Variants in XPO6 observed in about 807,000 individuals in gnomAD.
The protein encoded by XPO6 is exportin-6.
A neutral mutation model predicts 130.0 loss-of-function variants in XPO6; 3 were observed. That is an observed-to-expected ratio of 0.02 (90% CI 0.01 to 0.06). The LOEUF (loss-of-function observed/expected upper bound fraction) is 0.06. Among genes scored for constraint, XPO6 ranks in the 10% least tolerant of loss-of-function variants. The probability of loss-of-function intolerance (pLI) is 1.00; values close to 1 mark genes in which losing one functional copy is unlikely to be tolerated. For synonymous variants in XPO6, 524 were observed against 548.9 expected, an observed-to-expected ratio of 0.95 and a Z score of 0.63; for missense variants, 970 against 1,393.0, an observed-to-expected ratio of 0.70 and a Z score of 4.83.
chr16:28,137,949 G>T (rs982573930), intron 9 of XPO6, among the ~76,000 whole-genome samples: 11 of 151,964 alleles, frequency 7.2e-5, no homozygotes, highest in Admixed American at 3.3e-4. Flanking sequence ...CCGACAGCTC[G>T]TTTCTTAACT....
rs2087323341 is a variant in XPO6, at chr16:28,124,069, T to G, written c.1766+1620A>C. 2.0e-5 allele frequency among the ~76,000 whole-genome samples: 3 copies of G among 151,830 alleles called. No homozygotes were observed. In the South Asian group the frequency reaches 6.3e-4, roughly 32 times the overall value. Reference sequence around the variant, plus strand: ...ACTGACAGATATACCTTTTTTTTTTTTTTTTGAGACGGAGTTTCACTCTTG... The same window carrying G: ...ACTGACAGATATACCTTTTTTTTTTGTTTTTGAGACGGAGTTTCACTCTTG... On this transcript the variant is annotated intron_variant, in intron 13 of 23. Transcript: ENST00000304658.
intron 4 of XPO6, among the ~76,000 whole-genome samples, chr16:28,171,452 CAAAAAAA>C (rs36000498): frequency 3.0e-5 from 3 of 99,090 alleles, no homozygotes; most frequent in Non-Finnish European, 4.1e-5. Flanking sequence ...GACTCTGTCT[CAAAAAAA>C]AAAAAAAAAA....
intron 20 of XPO6, among the ~76,000 whole-genome samples, 170 bp from the exon 21 acceptor site, chr16:28,104,877 G>A (rs2086738508): frequency 6.6e-6 from 1 of 152,222 alleles, no homozygotes; most frequent in Admixed American, 6.5e-5. Flanking sequence ...CTGGAGTCCT[G>A]TCACTGCCTG....
chr16:28,133,816 T>C, intron 11 of XPO6, 25 bp downstream of exon 11: 2 of 1,612,648 alleles, frequency 1.2e-6, no homozygotes, highest in African/African-American at 2.7e-5. Context: ...CGCTACACTC[T>C]CCACTCCCCC....
chr16:28,117,939 T>G (rs555749803), intron 14 of XPO6, among the ~76,000 whole-genome samples: 1 of 152,368 alleles, frequency 6.6e-6, no homozygotes, highest in South Asian at 2.1e-4. Context: ...AGGGAATAAC[T>G]GAGGCGGCAA....
Position 28,113,046 on chromosome 16 carries a change from T to C in XPO6, c.2009A>G (p.Gln670Arg). ...AITPLISTKV[Q>R]DKLLLSACHL... The stretch of plus-strand genomic sequence containing the variant: ...GCACGCAGATAGCAGCAGCTTGTCT[T>C]GGACCTGCAGAGGGAAGAGGGCACG... Residue 670 changes from glutamine to arginine, a missense_variant, in exon 16 of 24, where the codon CAA becomes CGA. Around this residue, in one of 4 missense-constraint regions of XPO6, gnomAD observed 936 missense variants for 1,306.8 expected, o/e 0.72. Transcript: ENST00000304658. 6.2e-7 allele frequency: 1 copy of C among 1,613,868 alleles called. No homozygotes were observed. Among genetic ancestry groups the C allele is most frequent in the South Asian group, 1.1e-5 (1 of 91,036 alleles).
intron 8 of XPO6, 152 bp from the exon 9 acceptor site, chr16:28,146,355 C>A (rs2042982789): frequency 9.6e-6 from 6 of 627,516 alleles, no homozygotes; most frequent in Non-Finnish European, 1.7e-5. Flanking sequence ...GGCTTTTAGT[C>A]GGTCTATACC....
In XPO6 at chr16:28,187,220, C is replaced by T. The variant is rs556511787; in HGVS notation, c.4-6189G>A. On this transcript the variant is annotated intron_variant, in intron 1 of 23. Coordinates refer to ENST00000304658, the MANE Select transcript of XPO6 (RefSeq NM_015171.4). Reference sequence around the variant, plus strand: ...ATCTGAACACTCATGGTCTCATAAGCGAGTACCTAGCCCCATCCTGCATTT... The same window carrying T: ...ATCTGAACACTCATGGTCTCATAAGTGAGTACCTAGCCCCATCCTGCATTT... 1.1e-4 allele frequency among the ~76,000 whole-genome samples: 16 copies of T among 152,272 alleles called. No homozygotes were observed. In the South Asian group the frequency reaches 2.3e-3, roughly 22 times the overall value.
rs752891189 is a variant in XPO6, at chr16:28,181,047, G to A, written c.4-16C>T. 1.9e-6 allele frequency: 3 copies of A among 1,590,108 alleles called. No individual in the cohort carries two copies. The highest frequency in any genetic ancestry group is 2.7e-5 in the African/African-American group (2 of 73,688). ...CTTCAGATGCCTAACAAAGGAATTT[G>A]AAAAAAAATCAATAAGCTGCATCTT... On this transcript the variant is annotated splice_polypyrimidine_tract_variant and intron_variant, in intron 1 of 23. Coordinates refer to ENST00000304658, the MANE Select transcript of XPO6 (RefSeq NM_015171.4).
chr16:28,187,070 CTCTA>C (rs2043707258), intron 1 of XPO6, among the ~76,000 whole-genome samples: 1 of 152,156 alleles, frequency 6.6e-6, no homozygotes, highest in Non-Finnish European at 1.5e-5. Flanking sequence ...AGAAAACTAA[CTCTA>C]TCTGAAGGAA....
chr16:28,108,363 A>T (rs902688935), intron 17 of XPO6, among the ~76,000 whole-genome samples: 12 of 152,220 alleles, frequency 7.9e-5, no homozygotes, highest in Non-Finnish European at 1.5e-4. Context: ...AAACAGGCAG[A>T]GGTCAGAGAG....
chr16:28,101,243 C>A lies in XPO6; in HGVS notation c.3276+215G>T. 1.6e-6 allele frequency: 1 copy of A among 633,436 alleles called. No individual in the cohort carries two copies. 39.2% of individuals were successfully genotyped at this position (633,436 alleles called of 1,614,324 possible). A position where few individuals can be genotyped will look rare whatever the true frequency, so the allele number is the denominator to read the frequency against. ...GGACCTCCATGGCTGAGACTAAGAA[C>A]ATACGTGCTACAGACACCAAGACTG... On this transcript the variant is annotated intron_variant, in intron 23 of 23. Coordinates refer to ENST00000304658, the MANE Select transcript of XPO6 (RefSeq NM_015171.4). This position sits in a 1 kb window ranked among gnomAD's most constrained non-coding sequence, Gnocchi z 5.4.
chr16:28,175,976 C>T lies in XPO6; in HGVS notation c.327G>A (p.Lys109=), dbSNP rs1303899660. ...HKTLPYFIRN[K]LCKVIVDIGR... is the part of the protein sequence containing the mutation. ...CAATATCAACAATAACTTTGCAGAG[C>T]TTGTTCCGGATAAAGTAAGGTAAGG... Residue 109 remains lysine (K), a synonymous_variant, in exon 4 of 24, where the codon AAG becomes AAA. Coordinates refer to ENST00000304658, the MANE Select transcript of XPO6 (RefSeq NM_015171.4). The T allele has an allele frequency of 1.2e-6, 2 of 1,614,138 alleles. No individual in the cohort carries two copies. Among genetic ancestry groups the T allele is most frequent in the Non-Finnish European group, 1.7e-6 (2 of 1,180,032 alleles).
chr16:28,106,012 G>C lies in XPO6; in HGVS notation c.2784+31C>G, dbSNP rs774752432. On this transcript the variant is annotated intron_variant, in intron 20 of 23. Transcript: ENST00000304658. The surrounding 1 kb of genome is among the most constrained non-coding windows in gnomAD (Gnocchi z 4.2). ...TCCCTTCCCAATCTGGAGATGGGGG[G>C]TGCTGCACAGGGGACCGTCTGAGCC... The C allele has an allele frequency of 2.5e-6, 4 of 1,599,180 alleles. No individual in the cohort carries two copies. Among genetic ancestry groups the C allele is most frequent in the South Asian group, 1.1e-5 (1 of 90,756 alleles).
intron 8 of XPO6, among the ~76,000 whole-genome samples, chr16:28,147,979 G>A (rs2043016156): frequency 6.6e-6 from 1 of 152,010 alleles, no homozygotes; most frequent in Admixed American, 6.5e-5. Context: ...AGTAGTCCTT[G>A]GACAGGCCAC....
chr16:28,121,683 C>A lies in XPO6; in HGVS notation c.1846G>T (p.Asp616Tyr). The change falls in exon 14 of 24, where the codon GAC becomes TAC. Residue 616 changes from aspartate (D) to tyrosine (Y), a missense_variant. Physicochemically the swap from Asp to Tyr is radical, Grantham distance 160. Transcript: ENST00000304658. Reference sequence around the variant, plus strand: ...CTCTAGACTTACACATCAATGAGGTCAGGTTTCAATACTGATGGCACAGCA... The same window carrying A: ...CTCTAGACTTACACATCAATGAGGTAAGGTTTCAATACTGATGGCACAGCA... ...ETAVPSVLKP[D>Y]LIDVHAQSLA... 6.2e-7 allele frequency: 1 copy of A among 1,612,284 alleles called. No homozygotes were observed. The highest frequency in any genetic ancestry group is 8.5e-7 in the Non-Finnish European group (1 of 1,178,390).
At chr16:28,209,366 G>C (rs189801019) in intron 1 of XPO6, among the ~76,000 whole-genome samples, 1 of 152,058 alleles carries the variant, frequency 6.6e-6, no homozygotes, top group Non-Finnish European at 1.5e-5. Context: ...GAGGCCGGGC[G>C]CGATGGCTCA....
intron 9 of XPO6, among the ~76,000 whole-genome samples, chr16:28,142,478 A>AG (rs2042911673): frequency 1.3e-5 from 2 of 152,222 alleles, no homozygotes; most frequent in African/African-American, 2.4e-5. Context: ...TAGACCACTA[A>AG]GGGGTATCTG....
rs71140945 is a variant in XPO6, at chr16:28,119,657, G to GA, written c.1859+2012dup. Among the ~76,000 whole-genome samples the GA allele has an allele frequency of 3.0e-3, 441 of 145,256 alleles. 1 individual carries two copies. Among genetic ancestry groups the GA allele is most frequent in the Non-Finnish European group, 3.2e-3 (209 of 65,906 alleles). On this transcript the variant is annotated intron_variant, in intron 14 of 23. Transcript: ENST00000304658. ...ATGATTAGTTAGACCTTGGATCCAA[G>GA]AAAAAAAAAAGATACAAAAACATTC... is the stretch of plus-strand genomic sequence containing the variant.
Sources: gnomAD v4.1 joint callset for allele counts (sites outside exome capture counted in the v4.1 genomes callset) on GRCh38, gnomAD v4.1.1 for gene constraint, gnomAD v4.1.1 regional missense constraint, Gnocchi (gnomAD v3.1) non-coding constraint, MANE v1.5 for transcripts, NCBI Gene and HGNC (gene_info 2026-07-23, HGNC 2026-07-21) for gene names.